NOL4: variants seen among roughly 807,000 people sequenced by gnomAD.
The protein encoded by NOL4 is nucleolar protein 4.
A neutral mutation model predicts 75.9 loss-of-function variants in NOL4; 17 were observed. The observed-to-expected ratio is 0.22, with a 90% confidence interval of 0.15 to 0.34. The LOEUF (loss-of-function observed/expected upper bound fraction) is 0.34. NOL4 is among the 10% of genes least tolerant of loss of function. The probability of loss-of-function intolerance (pLI) is 1.00; values close to 1 mark genes in which losing one functional copy is unlikely to be tolerated. For missense variants in NOL4, 614 were observed against 793.5 expected, an observed-to-expected ratio of 0.77 and a Z score of 2.72; for synonymous variants, 292 against 289.9, an observed-to-expected ratio of 1.01 and a Z score of -0.07.
At chr18:34,216,669 T>G (rs1042252475) in intron 1 of NOL4, among the ~76,000 whole-genome samples, 7 of 150,006 alleles carry the variant, frequency 4.7e-5, no homozygotes, top group Admixed American at 4.0e-4. Flanking sequence ...TGAAATGAAA[T>G]GTAAACCAGG....
At chr18:34,181,734 AG>A (rs2034054641) in intron 1 of NOL4, among the ~76,000 whole-genome samples, 2 of 151,554 alleles carry the variant, frequency 1.3e-5, no homozygotes, top group South Asian at 2.1e-4. Context: ...AAAAAATTGA[AG>A]TGGGCTAAGT....
At position 34,093,391 on chromosome 18, in the gene NOL4, A is replaced by G; in HGVS notation, c.772+74T>C. The G allele has an allele frequency of 1.5e-6, 2 of 1,364,332 alleles. 1 individual carries two copies. Among genetic ancestry groups the G allele is most frequent in the Middle Eastern group, 3.7e-4 (2 of 5,344 alleles). 84.5% of individuals were successfully genotyped at this position (1,364,332 alleles called of 1,614,324 possible). On this transcript the variant is annotated intron_variant, in intron 5 of 10. Transcript: ENST00000261592. Reference sequence around the variant, plus strand: ...AAAATTGACACAAGAATTAAGAGGTAGTTGTTGTTTCCATGCATTCTGACT... The same window carrying G: ...AAAATTGACACAAGAATTAAGAGGTGGTTGTTGTTTCCATGCATTCTGACT...
chr18:34,067,444 G>A (rs867970007), intron 5 of NOL4, among the ~76,000 whole-genome samples: 84 of 152,050 alleles, frequency 5.5e-4, no homozygotes, highest in African/African-American at 2.0e-3. Flanking sequence ...AGAATCATCG[G>A]GCTTAGAATC....
At chr18:34,128,387 T>C (rs1350378700) in intron 2 of NOL4, among the ~76,000 whole-genome samples, 1 of 151,914 alleles carries the variant, frequency 6.6e-6, no homozygotes, top group African/African-American at 2.4e-5. Context: ...CGAGTTCAGG[T>C]AGCTATTTCA....
chr18:33,971,807 G>T (rs2071087118), intron 6 of NOL4, among the ~76,000 whole-genome samples: 1 of 151,960 alleles, frequency 6.6e-6, no homozygotes, highest in Non-Finnish European at 1.5e-5. Context: ...GTTGTCTACA[G>T]CTAAAATTTA....
At chr18:34,042,573 A>G (rs2076186737) in intron 5 of NOL4, among the ~76,000 whole-genome samples, 1 of 152,072 alleles carries the variant, frequency 6.6e-6, no homozygotes, top group South Asian at 2.1e-4. Flanking sequence ...GAAGGAAGAA[A>G]GGCAAGAAAA....
chr18:34,175,960 T>G (rs1194892609), intron 1 of NOL4, among the ~76,000 whole-genome samples: 2 of 151,970 alleles, frequency 1.3e-5, no homozygotes, highest in East Asian at 3.9e-4. Flanking sequence ...GAAAGTATGT[T>G]CCACAAGCAG....
chr18:34,147,249 A>G (rs752147776), intron 1 of NOL4, among the ~76,000 whole-genome samples: 4 of 152,098 alleles, frequency 2.6e-5, no homozygotes, highest in Non-Finnish European at 4.4e-5. Context: ...AACTTCCAAC[A>G]CTATGTTGAA....
chr18:34,089,242 C>G (rs999156450), intron 5 of NOL4, among the ~76,000 whole-genome samples: 1 of 151,966 alleles, frequency 6.6e-6, no homozygotes, highest in Non-Finnish European at 1.5e-5. Flanking sequence ...TTCAATTTCT[C>G]TAAATAAAAT....
chr18:33,949,439 G>A (rs2069059228), intron 8 of NOL4, among the ~76,000 whole-genome samples: 1 of 152,090 alleles, frequency 6.6e-6, no homozygotes, highest in Non-Finnish European at 1.5e-5. Context: ...CTGAGACCTG[G>A]AGTTGGAGGA....
chr18:33,997,669 T>G (rs1270771573), intron 6 of NOL4, among the ~76,000 whole-genome samples: 2 of 148,378 alleles, frequency 1.3e-5, no homozygotes, highest in Non-Finnish European at 3.0e-5. Context: ...TACATAAATA[T>G]ATACACATAT....
intron 10 of NOL4, among the ~76,000 whole-genome samples, chr18:33,871,850 C>T (rs182888433): frequency 6.6e-6 from 1 of 152,206 alleles, no homozygotes; most frequent in Non-Finnish European, 1.5e-5. Flanking sequence ...GGGTCACTCA[C>T]CTCCCTTTTC....
At chr18:34,065,712 T>A (rs2077246501) in intron 5 of NOL4, among the ~76,000 whole-genome samples, 1 of 151,970 alleles carries the variant, frequency 6.6e-6, no homozygotes, top group Admixed American at 6.6e-5. Flanking sequence ...CAAATCTATG[T>A]CTACTCACTA....
At chr18:33,971,723 G>C (rs1036806882) in intron 6 of NOL4, among the ~76,000 whole-genome samples, 2 of 151,972 alleles carry the variant, frequency 1.3e-5, no homozygotes, top group Non-Finnish European at 2.9e-5. Context: ...GCCTGCAAAG[G>C]TTCCAAGCCT....
intron 5 of NOL4, among the ~76,000 whole-genome samples, chr18:34,052,319 T>G (rs1412149318): frequency 2.6e-5 from 4 of 152,060 alleles, no homozygotes; most frequent in Non-Finnish European, 5.9e-5. Context: ...TGCCCTTACT[T>G]TGACACCATT....
intron 6 of NOL4, among the ~76,000 whole-genome samples, chr18:33,989,190 CAAAAAAAA>C (rs55924436): frequency 1.5e-5 from 1 of 65,086 alleles, no homozygotes; most frequent in Non-Finnish European, 2.7e-5. Flanking sequence ...CCCATCTCTA[CAAAAAAAA>C]AAAAAAAAAA....
intron 5 of NOL4, among the ~76,000 whole-genome samples, chr18:34,083,105 T>C (rs947984415): frequency 1.3e-5 from 2 of 150,966 alleles, no homozygotes; most frequent in Non-Finnish European, 2.9e-5. Context: ...TCTCTGTCTT[T>C]ATATATACAC....
chr18:33,925,848 A>C (rs2067292324), intron 9 of NOL4, among the ~76,000 whole-genome samples: 1 of 152,226 alleles, frequency 6.6e-6, no homozygotes, highest in African/African-American at 2.4e-5. Context: ...TGAAAGGAGA[A>C]TTAACTTTTC....
intron 10 of NOL4, among the ~76,000 whole-genome samples, chr18:33,871,557 A>C (rs918813402): frequency 2.6e-5 from 4 of 152,006 alleles, no homozygotes; most frequent in Admixed American, 2.0e-4. Context: ...GAGGCTGTTT[A>C]AAGAAAACAA....
Sources: gnomAD v4.1 joint callset for allele counts (sites outside exome capture counted in the v4.1 genomes callset) on GRCh38, gnomAD v4.1.1 for gene constraint, MANE v1.5 for transcripts, NCBI Gene and HGNC (gene_info 2026-07-23, HGNC 2026-07-21) for gene names.